The following ANXA4 variants were observed in gnomAD, a reference collection of about 807,000 sequenced individuals.
ANXA4 encodes 35-beta calcimedin.
Under a neutral mutation model 49.8 loss-of-function variants are expected in ANXA4, and 39 were observed. The observed-to-expected ratio is 0.78, with a 90% CI of 0.61 to 1.02. The LOEUF (loss-of-function observed/expected upper bound fraction) is 1.02. Among genes scored for constraint, ANXA4 ranks in the 50% least tolerant of loss-of-function variants. The probability of loss-of-function intolerance (pLI) is 0.00; values close to 1 mark genes in which losing one functional copy is unlikely to be tolerated. For missense variants in ANXA4, 360 were observed against 410.1 expected (o/e 0.88, Z 1.05); for synonymous variants, 134 against 152.5 (o/e 0.88, Z 0.89).
At chr2:69,790,465 G>A (rs1672640257) in intron 3 of ANXA4, among the ~76,000 whole-genome samples, 1 of 152,134 alleles carries the variant, frequency 6.6e-6, no homozygotes, top group African/African-American at 2.4e-5. Flanking sequence ...ACTTCACAAG[G>A]AGGTTTAGAA....
At chr2:69,731,043 C>T (rs1670083291) in intron 3 of ANXA4, among the ~76,000 whole-genome samples, 3 of 152,168 alleles carry the variant, frequency 2.0e-5, no homozygotes, top group South Asian at 2.1e-4. Context: ...CCAAAAGCCA[C>T]GATGTCACTA....
At chr2:69,748,152 G>A (rs948523256) in intron 1 of ANXA4, among the ~76,000 whole-genome samples, 1 of 151,912 alleles carries the variant, frequency 6.6e-6, no homozygotes, top group African/African-American at 2.4e-5. Context: ...GAGGCGGGTG[G>A]ATCACGAGGT....
intron 3 of ANXA4, among the ~76,000 whole-genome samples, chr2:69,735,607 G>GAAA (rs68067564): frequency 1.7e-4 from 25 of 150,036 alleles, no homozygotes; most frequent in East Asian, 1.2e-3. Context: ...GCCACTCTGG[G>GAAA]AAAAAAAAAA....
At chr2:69,683,997 AGTTGT>A (rs140100061) in intron 2 of ANXA4, among the ~76,000 whole-genome samples, 1,613 of 152,354 alleles carry the variant, frequency 0.011, 23 homozygotes, top group African/African-American at 0.037. Context: ...GATTGTTTTA[AGTTGT>A]GTTATGTTAA....
In ANXA4 at chr2:69,655,071, A is replaced by T. The variant is rs538509869; in HGVS notation, n.766+1789A>T. Among the ~76,000 whole-genome samples, 3 of 152,300 alleles carry T rather than the reference A, an allele frequency of 2.0e-5. No individual in the cohort carries two copies. The South Asian group carries it at 6.2e-4, about 32-fold the overall frequency. On this transcript the variant is annotated intron_variant and non_coding_transcript_variant, in intron 2 of 3. Coordinates refer to the ANXA4 transcript ENST00000418066. Reference sequence around the variant, plus strand: ...AAATGTAAGACCTAAAACCATAAAAACCCTAGAAGAAAACCTACGCAATAC... The same window carrying T: ...AAATGTAAGACCTAAAACCATAAAATCCCTAGAAGAAAACCTACGCAATAC...
intron 2 of ANXA4, among the ~76,000 whole-genome samples, chr2:69,665,670 G>T (rs1253776677): frequency 6.6e-6 from 1 of 152,042 alleles, no homozygotes; most frequent in Non-Finnish European, 1.5e-5. Context: ...ATCCTTAGTG[G>T]CAAGTCTCCT....
Position 69,823,705 on chromosome 2 carries a change from T to C in ANXA4, c.907-1751T>C, listed in dbSNP as rs190689452. 6.9e-4 allele frequency among the ~76,000 whole-genome samples: 105 copies of C among 152,208 alleles called. 1 individual carries two copies. Among genetic ancestry groups the C allele is most frequent in the Non-Finnish European group, 1.4e-3 (97 of 68,040 alleles). ...CTTTCAGTACCAAATTATATTGCAT[T>C]CAAATGTATAAATAAGAAACTTGAG... On this transcript the variant is annotated intron_variant, in intron 12 of 12. Transcript: ENST00000394295.
chr2:69,767,623 G>A (rs1040210387), intron 1 of ANXA4, among the ~76,000 whole-genome samples: 2 of 152,210 alleles, frequency 1.3e-5, no homozygotes, highest in African/African-American at 4.8e-5. Flanking sequence ...AGCGTGTGGG[G>A]ATTAGAAATG....
At chr2:69,687,096 G>A (rs959159120) in intron 2 of ANXA4, among the ~76,000 whole-genome samples, 2 of 152,238 alleles carry the variant, frequency 1.3e-5, no homozygotes, top group African/African-American at 2.4e-5. Context: ...AGATGAGAGG[G>A]ACAGGGGAGA....
intron 1 of ANXA4, 57 bp from the exon 2 acceptor site, chr2:69,781,463 A>G: frequency 7.1e-7 from 1 of 1,410,784 alleles, no homozygotes; most frequent in South Asian, 1.2e-5. Flanking sequence ...TATCCTGATT[A>G]ATGATTTTAA....
At chr2:69,650,580 T>C (rs760699881) in intron 1 of ANXA4, among the ~76,000 whole-genome samples, 65 of 152,106 alleles carry the variant, frequency 4.3e-4, no homozygotes, top group Non-Finnish European at 6.5e-4. Flanking sequence ...CCACCTCAGC[T>C]TCCTGTATAA....
chr2:69,758,957 A>G (rs185654272), intron 1 of ANXA4, among the ~76,000 whole-genome samples: 13 of 152,068 alleles, frequency 8.5e-5, no homozygotes, highest in Non-Finnish European at 1.8e-4. Context: ...ACATGGTGAA[A>G]CCCCATTTCT....
intron 2 of ANXA4, among the ~76,000 whole-genome samples, chr2:69,659,290 C>T (rs550493866): frequency 6.6e-6 from 1 of 152,142 alleles, no homozygotes; most frequent in Non-Finnish European, 1.5e-5. Flanking sequence ...TAATTGGCTT[C>T]TCCACTTTAT....
chr2:69,788,711 G>A (rs569172852), intron 3 of ANXA4, among the ~76,000 whole-genome samples: 12 of 149,692 alleles, frequency 8.0e-5, no homozygotes, highest in Middle Eastern at 3.6e-3. Context: ...GGTGGCGGGC[G>A]CCTGTAGTCC....
chr2:69,682,096 C>A (rs1007211873), intron 2 of ANXA4, among the ~76,000 whole-genome samples: 1 of 152,186 alleles, frequency 6.6e-6, no homozygotes, highest in Non-Finnish European at 1.5e-5. Context: ...AAGCCATCCT[C>A]CTGATTCAGC....
chr2:69,780,697 G>A (rs1225738864), intron 1 of ANXA4, among the ~76,000 whole-genome samples: 1 of 152,126 alleles, frequency 6.6e-6, no homozygotes, highest in Non-Finnish European at 1.5e-5. Flanking sequence ...GGCTATGATT[G>A]CACCACTGCA....
intron 2 of ANXA4, among the ~76,000 whole-genome samples, chr2:69,693,941 G>A (rs1478288209): frequency 2.6e-5 from 4 of 152,144 alleles, no homozygotes; most frequent in Non-Finnish European, 4.4e-5. Flanking sequence ...CTGCCAGAGA[G>A]TTCTCAGTGG....
At chr2:69,794,320 C>G (rs1484507797) in intron 3 of ANXA4, among the ~76,000 whole-genome samples, 1 of 152,230 alleles carries the variant, frequency 6.6e-6, no homozygotes, top group Non-Finnish European at 1.5e-5. Flanking sequence ...TCCACTGTAA[C>G]TGCTTGGAGG....
intron 2 of ANXA4, among the ~76,000 whole-genome samples, chr2:69,679,395 G>C (rs1677519820): frequency 6.6e-6 from 1 of 152,140 alleles, no homozygotes; most frequent in African/African-American, 2.4e-5. Flanking sequence ...TGTATAATCT[G>C]GATATAATTC....
Sources: gnomAD v4.1 joint callset for allele counts (sites outside exome capture counted in the v4.1 genomes callset) on GRCh38, gnomAD v4.1.1 for gene constraint, MANE v1.5 for transcripts, NCBI Gene and HGNC (gene_info 2026-07-23, HGNC 2026-07-21) for gene names.